The following MLLT3 variants were observed in gnomAD, a reference collection of about 807,000 sequenced individuals.
MLLT3 encodes the protein protein AF-9.
In MLLT3, 4 loss-of-function variants were observed where a neutral mutation model predicts 53.2. The ratio of observed to expected loss-of-function variants is 0.08; its 90% CI spans 0.04 to 0.17. The LOEUF (loss-of-function observed/expected upper bound fraction) is 0.17, where lower values mean the gene tolerates loss of function less well. MLLT3 is among the 10% of genes least tolerant of loss of function. The pLI is 1.00. For missense variants in MLLT3, 569 were observed against 684.0 expected (o/e 0.83, Z 1.87); for synonymous variants, 283 against 230.6 (o/e 1.23, Z -2.06).
At chr9:20,610,590 G>A (rs1260938037) in intron 2 of MLLT3, among the ~76,000 whole-genome samples, 3 of 151,938 alleles carry the variant, frequency 2.0e-5, no homozygotes, top group South Asian at 4.2e-4. Flanking sequence ...GCCTTTATAC[G>A]GTTGCCAAAA....
At chr9:20,586,827 G>GA (rs1417963290) in intron 2 of MLLT3, among the ~76,000 whole-genome samples, 2 of 151,750 alleles carry the variant, frequency 1.3e-5, no homozygotes, top group Admixed American at 6.6e-5. Flanking sequence ...GTTGGGAGGA[G>GA]AAAAAAGAGC....
chr9:20,521,650 T>C (rs1364564152), intron 2 of MLLT3, among the ~76,000 whole-genome samples: 4 of 151,940 alleles, frequency 2.6e-5, no homozygotes, highest in Non-Finnish European at 5.9e-5. Flanking sequence ...ATGTTGGATA[T>C]AGATGCTCTA....
At chr9:20,429,227 G>T (rs564695083) in intron 4 of MLLT3, among the ~76,000 whole-genome samples, 1 of 151,984 alleles carries the variant, frequency 6.6e-6, no homozygotes, top group African/African-American at 2.4e-5. Flanking sequence ...AATTAGCCAG[G>T]CATGGTGGCA....
intron 5 of MLLT3, among the ~76,000 whole-genome samples, chr9:20,396,304 T>C (rs1302713298): frequency 1.3e-5 from 2 of 152,082 alleles, no homozygotes; most frequent in South Asian, 2.1e-4. Flanking sequence ...AGAAGGAAAC[T>C]AGAAATATTC....
At chr9:20,417,191 A>G (rs186202366) in intron 4 of MLLT3, among the ~76,000 whole-genome samples, 5 of 138,306 alleles carry the variant, frequency 3.6e-5, no homozygotes, top group Non-Finnish European at 6.1e-5. Flanking sequence ...TTATATATAT[A>G]TATTATATAT....
intron 10 of MLLT3, among the ~76,000 whole-genome samples, chr9:20,352,896 G>C (rs994759448): frequency 6.6e-6 from 1 of 151,934 alleles, no homozygotes; most frequent in African/African-American, 2.4e-5. Context: ...ATAGCTGCTG[G>C]TAGTGCAACA....
At chr9:20,579,197 G>A (rs183470226) in intron 2 of MLLT3, among the ~76,000 whole-genome samples, 67 of 152,056 alleles carry the variant, frequency 4.4e-4, no homozygotes, top group Admixed American at 2.6e-3. Flanking sequence ...GTGAGACTAC[G>A]TCTCTAAACA....
At position 20,550,256 on chromosome 9, in the gene MLLT3, T is replaced by C. The variant is rs534086554; in HGVS notation, c.193+70398A>G. On this transcript the variant is annotated intron_variant, in intron 2 of 10. Transcript: ENST00000380338. ...GAGAGAAGTGACTTACAAATAATAA[T>C]GACAGAAGCACCCAAGTAAAAGGGG... is the stretch of plus-strand genomic sequence containing the variant. Among the ~76,000 whole-genome samples, 84 of 152,256 alleles carry C rather than the reference T, an allele frequency of 5.5e-4. 1 individual carries two copies. Among genetic ancestry groups the C allele is most frequent in the South Asian group, 1.2e-3 (6 of 4,816 alleles).
intron 2 of MLLT3, among the ~76,000 whole-genome samples, chr9:20,483,248 T>TCA (rs1563780114): frequency 1.3e-5 from 2 of 150,948 alleles, no homozygotes; most frequent in Non-Finnish European, 3.0e-5. Flanking sequence ...ATTATTTTTT[T>TCA]TTTTGAGACA....
intron 2 of MLLT3, among the ~76,000 whole-genome samples, chr9:20,460,059 A>C (rs1824071263): frequency 6.6e-6 from 1 of 152,246 alleles, no homozygotes; most frequent in Non-Finnish European, 1.5e-5. Context: ...AAAGAAACAG[A>C]GGTTAAAACT....
At chr9:20,459,695 C>T (rs1824061355) in intron 2 of MLLT3, among the ~76,000 whole-genome samples, 1 of 152,166 alleles carries the variant, frequency 6.6e-6, no homozygotes. Flanking sequence ...TTAATGAGCA[C>T]ATCTTATCGT....
chr9:20,382,356 C>G (rs922441275), intron 5 of MLLT3: 1 of 151,848 alleles, frequency 6.6e-6, no homozygotes, highest in African/African-American at 2.4e-5. Flanking sequence ...ATTAGAAACA[C>G]AGCAAGCAAA....
At chr9:20,567,185 A>AC (rs1213767908) in intron 2 of MLLT3, among the ~76,000 whole-genome samples, 1 of 150,884 alleles carries the variant, frequency 6.6e-6, no homozygotes, top group East Asian at 1.9e-4. Context: ...AAAGTCAAAA[A>AC]AAAAAAAAAA....
At chr9:20,447,398 A>G (rs897825453) in intron 4 of MLLT3, among the ~76,000 whole-genome samples, 1 of 152,236 alleles carries the variant, frequency 6.6e-6, no homozygotes, top group African/African-American at 2.4e-5. Flanking sequence ...AATATGACAC[A>G]TAAGTTCATG....
At position 20,397,384 on chromosome 9, in the gene MLLT3, C is replaced by T. The variant is rs150259393; in HGVS notation, c.1125+16337G>A. On this transcript the variant is annotated intron_variant, in intron 5 of 10. Coordinates refer to ENST00000380338, the MANE Select transcript of MLLT3 (RefSeq NM_004529.4). ...GAGTATAACGTTCAACTTTTGGGAG[C>T]AGAAGTACACAGTATAAGCTAGCAC... Among the ~76,000 whole-genome samples the T allele has an allele frequency of 5.0e-4, 76 of 152,174 alleles. 3 individuals carry two copies. In the East Asian group the frequency reaches 0.013, roughly 27 times the overall value.
intron 2 of MLLT3, among the ~76,000 whole-genome samples, chr9:20,472,721 C>A (rs1410346754): frequency 1.3e-5 from 2 of 152,016 alleles, no homozygotes; most frequent in Non-Finnish European, 1.5e-5. Context: ...AGTGCTAATA[C>A]AAATACCAAG....
chr9:20,542,295 C>A (rs1818658234), intron 2 of MLLT3, among the ~76,000 whole-genome samples: 1 of 146,520 alleles, frequency 6.8e-6, no homozygotes, highest in Admixed American at 6.9e-5. Context: ...CCAGGCCGGA[C>A]TGCGGACCGC....
intron 8 of MLLT3, among the ~76,000 whole-genome samples, chr9:20,360,121 A>G (rs569897577): frequency 6.6e-6 from 1 of 152,302 alleles, no homozygotes; most frequent in South Asian, 2.1e-4. Flanking sequence ...TTTTCTCAGC[A>G]TTTTATTAAT....
intron 2 of MLLT3, among the ~76,000 whole-genome samples, chr9:20,489,750 G>A (rs746998907): frequency 2.5e-4 from 38 of 152,230 alleles, no homozygotes; most frequent in African/African-American, 7.0e-4. Flanking sequence ...TAAGTCTGTC[G>A]TAGCAGCTTC....
Sources: gnomAD v4.1 joint callset for allele counts (sites outside exome capture counted in the v4.1 genomes callset) on GRCh38, gnomAD v4.1.1 for gene constraint, MANE v1.5 for transcripts, NCBI Gene and HGNC (gene_info 2026-07-23, HGNC 2026-07-21) for gene names.